The following RAP1A variants were observed in gnomAD, a reference collection of about 807,000 sequenced individuals.
RAP1A encodes the protein RAP1A, member of RAS oncogene family.
Under a neutral mutation model 26.4 loss-of-function variants are expected in RAP1A, and 6 were observed. The observed-to-expected ratio is 0.23, with a 90% CI of 0.12 to 0.45. The LOEUF (loss-of-function observed/expected upper bound fraction) is 0.45, where lower values mean the gene tolerates loss of function less well. RAP1A is among the 20% of genes least tolerant of loss of function. RAP1A has a pLI of 0.99. For missense variants in RAP1A, 121 were observed against 217.2 expected (o/e 0.56, Z 2.78); for synonymous variants, 73 against 79.4 (o/e 0.92, Z 0.43).
At chr1:111,628,322 G>C (rs532712632) in intron 1 of RAP1A, among the ~76,000 whole-genome samples, 1 of 152,326 alleles carries the variant, frequency 6.6e-6, no homozygotes, top group South Asian at 2.1e-4. Flanking sequence ...GAGGGGAATG[G>C]TGGACATTCT....
chr1:111,573,301 AG>A (rs1658084625), intron 1 of RAP1A, among the ~76,000 whole-genome samples: 1 of 152,116 alleles, frequency 6.6e-6, no homozygotes. Context: ...TGGCTCTTTG[AG>A]GATCTGCCAC....
chr1:111,620,074 G>A (rs1659140674), intron 1 of RAP1A, 140 bp downstream of exon 1: 1 of 393,112 alleles, frequency 2.5e-6, no homozygotes, highest in African/African-American at 2.1e-5. Flanking sequence ...CGGTGTCGGG[G>A]CGGCGGCCCG....
chr1:111,586,496 T>C (rs758003399), intron 1 of RAP1A, among the ~76,000 whole-genome samples: 1 of 152,168 alleles, frequency 6.6e-6, no homozygotes, highest in Non-Finnish European at 1.5e-5. Flanking sequence ...GGTGGGAGGA[T>C]TGCTTGAGCC....
At chr1:111,663,483 T>C (rs951520607) in intron 1 of RAP1A, among the ~76,000 whole-genome samples, 32 of 152,204 alleles carry the variant, frequency 2.1e-4, no homozygotes, top group African/African-American at 7.7e-4. Context: ...AAAGTAGTGA[T>C]AGTAGTATTT....
chr1:111,573,420 T>G (rs1658086591), intron 1 of RAP1A, among the ~76,000 whole-genome samples: 1 of 152,152 alleles, frequency 6.6e-6, no homozygotes, highest in African/African-American at 2.4e-5. Flanking sequence ...ACTTTTTTTT[T>G]GCCTCCCGGG....
chr1:111,562,071 G>A (rs1657763455), intron 1 of RAP1A, among the ~76,000 whole-genome samples: 1 of 152,124 alleles, frequency 6.6e-6, no homozygotes, highest in Non-Finnish European at 1.5e-5. Context: ...ACCCCACCCT[G>A]TGATTCAATA....
intron 1 of RAP1A, among the ~76,000 whole-genome samples, chr1:111,572,420 T>C (rs541623769): frequency 1.3e-5 from 2 of 152,360 alleles, no homozygotes; most frequent in South Asian, 4.1e-4. Context: ...CAAGAGATCA[T>C]CTTGTTCATT....
rs1000784032 is a variant in RAP1A, at chr1:111,612,489, G to T, written c.-28+69980G>T. ...ATGAACAACTCTTGTTTCTCCATGG[G>T]TATCTTCCACTCTGATTTAGCTCTC... On this transcript the variant is annotated intron_variant, in intron 1 of 7. Coordinates refer to the RAP1A transcript ENST00000356415. 7.2e-4 allele frequency among the ~76,000 whole-genome samples: 110 copies of T among 152,114 alleles called. 1 individual carries two copies. The highest frequency in any genetic ancestry group is 4.1e-3 in the Admixed American group (62 of 15,272).
chr1:111,662,761 C>T (rs1335829547), intron 1 of RAP1A, among the ~76,000 whole-genome samples: 1 of 152,210 alleles, frequency 6.6e-6, no homozygotes, highest in Non-Finnish European at 1.5e-5. Flanking sequence ...ATGTTGTTTA[C>T]TTAACAGAAA....
intron 1 of RAP1A, among the ~76,000 whole-genome samples, chr1:111,613,976 C>T (rs936374558): frequency 1.3e-5 from 2 of 152,124 alleles, no homozygotes; most frequent in Admixed American, 6.5e-5. Context: ...TATTTATTCC[C>T]GAAACATTTA....
intron 1 of RAP1A, among the ~76,000 whole-genome samples, chr1:111,601,230 G>A (rs1658663522): frequency 6.6e-6 from 1 of 152,126 alleles, no homozygotes; most frequent in African/African-American, 2.4e-5. Flanking sequence ...GGGATCTTTT[G>A]TATCCAAGAA....
At chr1:111,600,717 A>G (rs1010599505) in intron 1 of RAP1A, among the ~76,000 whole-genome samples, 2 of 152,244 alleles carry the variant, frequency 1.3e-5, no homozygotes, top group Non-Finnish European at 2.9e-5. Flanking sequence ...TGCCATTTAC[A>G]GAGAAGAAAC....
chr1:111,611,733 A>G (rs1440024422), intron 1 of RAP1A, among the ~76,000 whole-genome samples: 1 of 152,208 alleles, frequency 6.6e-6, no homozygotes, highest in African/African-American at 2.4e-5. Flanking sequence ...TCAGAATTTG[A>G]ACTCACGCTG....
chr1:111,679,472 C>A lies in RAP1A; in HGVS notation c.-27-11862C>A, dbSNP rs370340811. On this transcript the variant is annotated intron_variant, in intron 1 of 7. Coordinates refer to ENST00000369709, the MANE Select transcript of RAP1A (RefSeq NM_002884.4). ...GCACAAAACTGGGCGGCTGTTTGAG[C>A]AGACACTGAGCTAGCTGTAGGAGGT... is the stretch of plus-strand genomic sequence containing the variant. 1.4e-4 allele frequency among the ~76,000 whole-genome samples: 22 copies of A among 152,290 alleles called. No homozygotes were observed. The South Asian group carries it at 4.6e-3, about 32-fold the overall frequency.
chr1:111,667,908 T>C (rs1660847252), intron 1 of RAP1A, among the ~76,000 whole-genome samples: 1 of 152,150 alleles, frequency 6.6e-6, no homozygotes, highest in Non-Finnish European at 1.5e-5. Context: ...CAGCTAAACC[T>C]GGGCTTATGG....
At chr1:111,702,876 A>G (rs183681596) in intron 4 of RAP1A, among the ~76,000 whole-genome samples, 1 of 152,256 alleles carries the variant, frequency 6.6e-6, no homozygotes, top group African/African-American at 2.4e-5. Flanking sequence ...AAGCTCTTAT[A>G]AAGAGTTTAT....
chr1:111,710,065 G>C (rs1391478933), intron 7 of RAP1A, among the ~76,000 whole-genome samples: 1 of 152,154 alleles, frequency 6.6e-6, no homozygotes, highest in Non-Finnish European at 1.5e-5. Context: ...CTGCTAAAAA[G>C]TTTTTCAAAG....
intron 1 of RAP1A, among the ~76,000 whole-genome samples, chr1:111,673,126 T>G (rs1310770233): frequency 6.6e-6 from 1 of 152,194 alleles, no homozygotes; most frequent in Admixed American, 6.5e-5. Context: ...AAAAGTACAG[T>G]TTTTCTTATG....
intron 1 of RAP1A, among the ~76,000 whole-genome samples, chr1:111,602,599 A>T (rs894680412): frequency 3.9e-5 from 6 of 152,142 alleles, no homozygotes; most frequent in African/African-American, 1.4e-4. Context: ...CATGAAGATG[A>T]TGGGAGGAAA....
Sources: allele counts gnomAD v4.1 joint callset (sites outside exome capture counted in the v4.1 genomes callset), GRCh38; gene constraint gnomAD v4.1.1; transcripts MANE v1.5; gene names NCBI Gene and HGNC (gene_info 2026-07-23, HGNC 2026-07-21).